The following RNF121 variants were observed in gnomAD, a reference collection of about 807,000 sequenced individuals.
The protein encoded by RNF121 is ring finger protein 121.
A neutral mutation model predicts 46.5 loss-of-function variants in RNF121; 21 were observed. The observed-to-expected ratio is 0.45, with a 90% confidence interval of 0.32 to 0.65. The LOEUF (loss-of-function observed/expected upper bound fraction) is 0.65, where lower values mean the gene tolerates loss of function less well. Among genes scored for constraint, RNF121 ranks in the 30% least tolerant of loss-of-function variants. The pLI, the probability that RNF121 is intolerant of heterozygous loss-of-function variation, is 0.04. For synonymous variants in RNF121, 139 were observed against 144.7 expected (o/e 0.96, Z 0.28); for missense variants, 346 against 416.0 (o/e 0.83, Z 1.46).
chr11:71,996,763 A>ACCACCG lies in RNF121; in HGVS notation c.*448_*449insCCACCG. On this transcript the variant is annotated 3_prime_UTR_variant, in exon 9 of 9. Coordinates refer to ENST00000361756, the MANE Select transcript of RNF121 (RefSeq NM_018320.5). ...CTCAAGCCTGGTGCACTTAGTATAGAAGAGCTAACGTACTCAGGCTTGTGC... is the reference window on the plus strand; with the variant it reads ...CTCAAGCCTGGTGCACTTAGTATAGACCACCGAGAGCTAACGTACTCAGGCTTGTGC... 1 of 172,964 alleles carries ACCACCG rather than the reference A, an allele frequency of 5.8e-6. No individual in the cohort carries two copies. Among genetic ancestry groups the ACCACCG allele is most frequent in the South Asian group, 1.2e-4 (1 of 8,694 alleles). 10.7% of individuals were successfully genotyped at this position (172,964 alleles called of 1,614,324 possible).
intron 1 of RNF121, among the ~76,000 whole-genome samples, chr11:71,947,424 G>A (rs992634663): frequency 1.3e-5 from 2 of 151,238 alleles, no homozygotes; most frequent in African/African-American, 4.9e-5. Flanking sequence ...AGAAGGTTGA[G>A]ACTGCAGTGA....
At chr11:71,972,763 C>G (rs1017902174) in intron 3 of RNF121, among the ~76,000 whole-genome samples, 1 of 151,998 alleles carries the variant, frequency 6.6e-6, no homozygotes, top group Non-Finnish European at 1.5e-5. Flanking sequence ...GTCCTAGGCT[C>G]TAGGACCTAG....
chr11:71,944,526 A>C (rs1953668463), intron 1 of RNF121, among the ~76,000 whole-genome samples: 1 of 152,198 alleles, frequency 6.6e-6, no homozygotes, highest in Non-Finnish European at 1.5e-5. Context: ...GCAGGAGAGC[A>C]TATGTTAAGT....
At chr11:71,942,464 A>G (rs1057319104) in intron 1 of RNF121, among the ~76,000 whole-genome samples, 3 of 152,052 alleles carry the variant, frequency 2.0e-5, no homozygotes, top group Non-Finnish European at 4.4e-5. Context: ...TGGGTAATTT[A>G]TAAACAACAG....
intron 1 of RNF121, among the ~76,000 whole-genome samples, chr11:71,935,442 A>G (rs184051285): frequency 7.0e-4 from 107 of 152,336 alleles, no homozygotes; most frequent in Non-Finnish European, 1.3e-3. Flanking sequence ...TGAGTACTCT[A>G]TACTGTCCAT....
At chr11:71,931,749 C>T (rs1258093981) in intron 1 of RNF121, among the ~76,000 whole-genome samples, 1 of 151,952 alleles carries the variant, frequency 6.6e-6, no homozygotes, top group African/African-American at 2.4e-5. Flanking sequence ...TAGGGGGAGT[C>T]AGTAAAGTCT....
chr11:71,944,129 C>T (rs1161813819), intron 1 of RNF121, among the ~76,000 whole-genome samples: 2 of 151,948 alleles, frequency 1.3e-5, no homozygotes, highest in East Asian at 1.9e-4. Context: ...GTCAGGAGTT[C>T]GAGACCAGCT....
chr11:71,974,762 C>T (rs1012416569), intron 3 of RNF121, among the ~76,000 whole-genome samples: 43 of 152,144 alleles, frequency 2.8e-4, no homozygotes, highest in African/African-American at 1.0e-3. Context: ...TCAACCTCCT[C>T]TTAAGTCTCT....
intron 3 of RNF121, among the ~76,000 whole-genome samples, chr11:71,973,644 G>A (rs567513876): frequency 1.7e-4 from 26 of 152,096 alleles, no homozygotes; most frequent in South Asian, 1.5e-3. Flanking sequence ...AAAATTAGCC[G>A]GATGTGGTGG....
At position 71,982,881 on chromosome 11, in the gene RNF121, G is replaced by T. The variant is rs1310843526; in HGVS notation, c.364G>T (p.Ala122Ser). Reference sequence around the variant, plus strand: ...TGTCACAGCCTTTGTTACCTTCCGAGCCACCCGAAAACCTCTAGTACAGAC... The same window carrying T: ...TGTCACAGCCTTTGTTACCTTCCGATCCACCCGAAAACCTCTAGTACAGAC... ...SAVTAFVTFRATRKPLVQTTP... is the reference protein window; with the variant it reads ...SAVTAFVTFRSTRKPLVQTTP... Residue 122 changes from alanine (A) to serine (S), a missense_variant, in exon 4 of 9, where the codon GCC (alanine) becomes TCC (serine). Coordinates refer to ENST00000361756, the MANE Select transcript of RNF121 (RefSeq NM_018320.5). 2.5e-6 allele frequency: 4 copies of T among 1,613,328 alleles called. No individual in the cohort carries two copies. The Admixed American group carries it at 6.7e-5, about 27-fold the overall frequency.
chr11:71,942,536 G>A (rs1953599341), intron 1 of RNF121, among the ~76,000 whole-genome samples: 1 of 151,956 alleles, frequency 6.6e-6, no homozygotes, highest in Non-Finnish European at 1.5e-5. Context: ...GCTGAGGCGG[G>A]CGGATTACTT....
chr11:71,996,117 C>T (rs1470560846), intron 8 of RNF121, 78 bp from the exon 9 acceptor site: 1 of 1,547,640 alleles, frequency 6.5e-7, no homozygotes, highest in Non-Finnish European at 8.8e-7. Context: ...TGGGGCAGAC[C>T]CAGGGAGCCC....
intron 3 of RNF121, among the ~76,000 whole-genome samples, chr11:71,975,304 T>A (rs1226966068): frequency 1.3e-5 from 2 of 152,230 alleles, no homozygotes; most frequent in African/African-American, 4.8e-5. Flanking sequence ...CTGTGGTATC[T>A]TTATCAGCCT....
At chr11:71,986,218 A>G (rs930151791) in intron 4 of RNF121, among the ~76,000 whole-genome samples, 3 of 152,198 alleles carry the variant, frequency 2.0e-5, no homozygotes, top group African/African-American at 7.2e-5. Flanking sequence ...TGGCCTGTGG[A>G]TAGGAGCAAA....
At chr11:71,983,221 T>C (rs1205860887) in intron 4 of RNF121, 2 of 211,892 alleles carry the variant, frequency 9.4e-6, no homozygotes, top group African/African-American at 2.3e-5. Context: ...TATGAACCCT[T>C]CTCTGATCTC....
At chr11:71,955,336 G>A (rs1462612558) in intron 1 of RNF121, among the ~76,000 whole-genome samples, 1 of 152,154 alleles carries the variant, frequency 6.6e-6, no homozygotes, top group African/African-American at 2.4e-5. Flanking sequence ...TGATCACCTG[G>A]AGGTCTTATT....
intron 4 of RNF121, among the ~76,000 whole-genome samples, chr11:71,984,078 A>G (rs1199507741): frequency 6.6e-6 from 1 of 152,194 alleles, no homozygotes; most frequent in Non-Finnish European, 1.5e-5. Context: ...TCACTGTATG[A>G]CCTTACCTTT....
In RNF121 at chr11:71,958,060, T is replaced by G. The variant is rs541045085; in HGVS notation, c.101+796T>G. Among the ~76,000 whole-genome samples the G allele has an allele frequency of 2.0e-5, 3 of 152,322 alleles. No individual in the cohort carries two copies. The East Asian group carries it at 5.8e-4, about 29-fold the overall frequency. ...GTATGAACCAGTTGTGTACCTCAGC[T>G]ACCAAAATATTCTGAATAATTTAAA... is the stretch of plus-strand genomic sequence containing the variant. On this transcript the variant is annotated intron_variant, in intron 2 of 8. Coordinates refer to ENST00000361756, the MANE Select transcript of RNF121 (RefSeq NM_018320.5).
chr11:71,937,435 C>T (rs896128919), intron 1 of RNF121, among the ~76,000 whole-genome samples: 14 of 152,152 alleles, frequency 9.2e-5, no homozygotes, highest in African/African-American at 3.1e-4. Context: ...GCCTCAGCTT[C>T]TGGAGTAGCT....
Sources: allele counts gnomAD v4.1 joint callset (sites outside exome capture counted in the v4.1 genomes callset), GRCh38; gene constraint gnomAD v4.1.1; transcripts MANE v1.5; gene names NCBI Gene and HGNC (gene_info 2026-07-23, HGNC 2026-07-21).